IL1RAPL2: variants seen among roughly 807,000 people sequenced by gnomAD.
IL1RAPL2 encodes X-linked interleukin-1 receptor accessory protein-like 2.
IL1RAPL2 carries 3 observed loss-of-function variants against 44.1 expected under a neutral mutation model. The observed-to-expected ratio is 0.07, with a 90% CI of 0.03 to 0.18. The LOEUF (loss-of-function observed/expected upper bound fraction) is 0.18, where lower values mean the gene tolerates loss of function less well. Among genes scored for constraint, IL1RAPL2 ranks in the 10% least tolerant of loss-of-function variants. The pLI is 1.00. For synonymous variants in IL1RAPL2, 181 were observed against 178.8 expected (o/e 1.01, Z -0.10); for missense variants, 391 against 496.4 (o/e 0.79, Z 2.02).
chrX:105,406,232 A>G, intron 5 of IL1RAPL2: 2 of 1,123,303 alleles, frequency 1.8e-6, no homozygotes, highest in Non-Finnish European at 2.4e-6. Context: ...GCTGGCCCAC[A>G]TGTTTAAGGA....
At chrX:104,687,672 T>C (rs1834911638) in intron 2 of IL1RAPL2, among the ~76,000 whole-genome samples, 1 of 111,579 alleles carries the variant, frequency 9.0e-6, no homozygotes, top group African/African-American at 3.3e-5. Flanking sequence ...ACTTTGGAAA[T>C]TGGATCAAAT....
chrX:105,034,611 CAG>C (rs745857517), intron 2 of IL1RAPL2, among the ~76,000 whole-genome samples: 26 of 111,856 alleles, frequency 2.3e-4, no homozygotes, highest in African/African-American at 8.4e-4. Context: ...GGTTTTGTCT[CAG>C]AGGAGTACCC....
chrX:105,016,647 C>T (rs1246027136), intron 2 of IL1RAPL2, among the ~76,000 whole-genome samples: 1 of 111,916 alleles, frequency 8.9e-6, no homozygotes, highest in Non-Finnish European at 1.9e-5. Flanking sequence ...ACTAGCCTTA[C>T]ATCCCAGGGA....
At chrX:104,591,346 A>G (rs1437730592) in intron 1 of IL1RAPL2, among the ~76,000 whole-genome samples, 1 of 111,735 alleles carries the variant, frequency 8.9e-6, no homozygotes, top group Non-Finnish European at 1.9e-5. Context: ...AAAAAGGAAC[A>G]AGCACTACAG....
intron 6 of IL1RAPL2, among the ~76,000 whole-genome samples, chrX:105,581,769 A>G: frequency 8.9e-6 from 1 of 111,775 alleles, no homozygotes; most frequent in East Asian, 2.8e-4. Context: ...GAAAGTCTGT[A>G]TAATCTTACA....
At chrX:104,732,142 G>C (rs1052989833) in intron 2 of IL1RAPL2, among the ~76,000 whole-genome samples, 1 of 111,996 alleles carries the variant, frequency 8.9e-6, no homozygotes, top group Non-Finnish European at 1.9e-5. Context: ...CAAAACTTGT[G>C]GGATGCTGCC....
chrX:104,767,753 C>T (rs987809776), intron 2 of IL1RAPL2, among the ~76,000 whole-genome samples: 1 of 111,510 alleles, frequency 9.0e-6, no homozygotes, highest in Non-Finnish European at 1.9e-5. Flanking sequence ...GTGCAAAGTC[C>T]CTGCTCACAG....
At chrX:105,375,301 G>A (rs2035379078) in intron 5 of IL1RAPL2, among the ~76,000 whole-genome samples, 1 of 111,016 alleles carries the variant, frequency 9.0e-6, no homozygotes, top group South Asian at 3.8e-4. Flanking sequence ...CACGAGGTCA[G>A]GAGATCAAGA....
At chrX:104,790,098 T>C (rs1048827663) in intron 2 of IL1RAPL2, among the ~76,000 whole-genome samples, 4 of 112,102 alleles carry the variant, frequency 3.6e-5, no homozygotes, top group African/African-American at 1.3e-4. Context: ...ATGCATGCAT[T>C]GGTCTCCCTT....
intron 6 of IL1RAPL2, among the ~76,000 whole-genome samples, chrX:105,668,182 G>A (rs2037787366): frequency 8.9e-6 from 1 of 111,805 alleles, no homozygotes; most frequent in Non-Finnish European, 1.9e-5. Context: ...ATTTTTGGCT[G>A]TATGGAAATA....
At chrX:104,918,917 T>C (rs181939805) in intron 2 of IL1RAPL2, among the ~76,000 whole-genome samples, 2 of 111,748 alleles carry the variant, frequency 1.8e-5, no homozygotes, top group Admixed American at 1.9e-4. Flanking sequence ...CTGTGGTCCC[T>C]AAGCCACCTT....
Position 105,370,597 on chromosome X carries a change from T to C in IL1RAPL2, c.697+103056T>C, listed in dbSNP as rs751747351. 1.7e-3 allele frequency among the ~76,000 whole-genome samples: 186 copies of C among 112,512 alleles called. 1 individual carries two copies. Among genetic ancestry groups the C allele is most frequent in the African/African-American group, 5.3e-3 (164 of 30,996 alleles). On this transcript the variant is annotated intron_variant, in intron 5 of 10. Coordinates refer to ENST00000372582, the MANE Select transcript of IL1RAPL2 (RefSeq NM_017416.2). Reference sequence around the variant, plus strand: ...GGTGCGTAGTATTCTATGGTGTATATGTAACACATTTTCTTTACCTAGTCT... The same window carrying C: ...GGTGCGTAGTATTCTATGGTGTATACGTAACACATTTTCTTTACCTAGTCT...
At chrX:105,748,119 A>G (rs1466422582) in intron 8 of IL1RAPL2, among the ~76,000 whole-genome samples, 1 of 110,825 alleles carries the variant, frequency 9.0e-6, no homozygotes, top group Non-Finnish European at 1.9e-5. Flanking sequence ...TTGATGATAC[A>G]CTCTTTATAT....
At chrX:105,460,865 A>G (rs2036088344) in intron 5 of IL1RAPL2, among the ~76,000 whole-genome samples, 1 of 111,587 alleles carries the variant, frequency 9.0e-6, no homozygotes, top group South Asian at 3.8e-4. Flanking sequence ...TAAACAACAG[A>G]CAATGATTCA....
chrX:104,666,533 T>C (rs1432823113), intron 2 of IL1RAPL2, among the ~76,000 whole-genome samples: 1 of 112,047 alleles, frequency 8.9e-6, no homozygotes, highest in Non-Finnish European at 1.9e-5. Flanking sequence ...AATTTTGATA[T>C]TGGGATTTAT....
intron 5 of IL1RAPL2, among the ~76,000 whole-genome samples, chrX:105,337,296 A>G (rs2147697142): frequency 8.9e-6 from 1 of 112,344 alleles, no homozygotes; most frequent in South Asian, 3.7e-4. Context: ...TATAAGAAGA[A>G]TGTAAAAGAA....
chrX:105,693,021 A>T (rs1220190846), intron 6 of IL1RAPL2, among the ~76,000 whole-genome samples: 1 of 111,476 alleles, frequency 9.0e-6, no homozygotes. Context: ...CCTGGGCCTC[A>T]TCCAGAAGTC....
At chrX:105,447,742 T>A (rs1164177361) in intron 5 of IL1RAPL2, among the ~76,000 whole-genome samples, 3 of 85,228 alleles carry the variant, frequency 3.5e-5, no homozygotes, top group African/African-American at 1.4e-4. Context: ...TATATAAATA[T>A]GTTATACATA....
chrX:104,657,141 T>C (rs1394992514), intron 1 of IL1RAPL2, among the ~76,000 whole-genome samples: 5 of 111,363 alleles, frequency 4.5e-5, no homozygotes, highest in African/African-American at 9.8e-5. Context: ...ATTTGCCAGT[T>C]GGTGTCTTTT....
Sources: gnomAD v4.1 joint callset for allele counts (sites outside exome capture counted in the v4.1 genomes callset) on GRCh38, gnomAD v4.1.1 for gene constraint, MANE v1.5 for transcripts, NCBI Gene and HGNC (gene_info 2026-07-23, HGNC 2026-07-21) for gene names.